The following SLCO1A2 variants were observed in gnomAD, a reference collection of about 807,000 sequenced individuals.
SLCO1A2 encodes the protein OATP-1.
SLCO1A2 carries 67 observed loss-of-function variants against 69.0 expected under a neutral mutation model. The observed-to-expected ratio is 0.97, with a 90% confidence interval of 0.80 to 1.19. The LOEUF is 1.19. SLCO1A2 is among the 50% of genes most tolerant of loss of function. SLCO1A2 has a pLI of 0.00. For missense variants in SLCO1A2, 787 were observed against 793.7 expected, an observed-to-expected ratio of 0.99 and a Z score of 0.10; for synonymous variants, 260 against 265.9, an observed-to-expected ratio of 0.98 and a Z score of 0.22.
At chr12:21,273,471 T>C (rs1285054041) in intron 14 of SLCO1A2, among the ~76,000 whole-genome samples, 1 of 152,220 alleles carries the variant, frequency 6.6e-6, no homozygotes, top group East Asian at 1.9e-4. Flanking sequence ...TCTTGGCTTC[T>C]GGTAGATTTT....
chr12:21,278,592 G>T (rs191026518), intron 12 of SLCO1A2, among the ~76,000 whole-genome samples: 7 of 152,248 alleles, frequency 4.6e-5, no homozygotes, highest in African/African-American at 1.7e-4. Context: ...ATCTCTGCCT[G>T]GTAATCCAGA....
chr12:21,268,107 A>G lies in SLCO1A2; in HGVS notation c.*1441T>C, dbSNP rs1942264559. The G allele has an allele frequency of 6.6e-6, 1 of 151,932 alleles. No individual in the cohort carries two copies. Among genetic ancestry groups the G allele is most frequent in the East Asian group, 1.9e-4 (1 of 5,186 alleles). The allele number at this position is 151,932 out of a possible 1,614,324, so 9.4% of individuals were successfully genotyped here. A position where few individuals can be genotyped will look rare whatever the true frequency, so the allele number is the denominator to read the frequency against. On this transcript the variant is annotated 3_prime_UTR_variant, in exon 15 of 15. Coordinates refer to ENST00000683939, the MANE Select transcript of SLCO1A2 (RefSeq NM_001386879.1). ...TTTGCTTTCTTTTTTCATATGATGC[A>G]TCTGATCATTTAGGAAATCATATTA...
At chr12:21,394,455 C>T (rs1237032266) in intron 1 of SLCO1A2, among the ~76,000 whole-genome samples, 1 of 150,290 alleles carries the variant, frequency 6.7e-6, no homozygotes, top group African/African-American at 2.5e-5. Context: ...ATGGGAGGAT[C>T]TCTTTAGCTC....
At chr12:21,314,771 C>A in intron 3 of SLCO1A2, 90 bp from the exon 4 acceptor site, 2 of 935,426 alleles carry the variant, frequency 2.1e-6, no homozygotes, top group Non-Finnish European at 3.3e-6. Context: ...CTAGCATTTA[C>A]TGCATAACAA....
At chr12:21,346,352 C>G (rs1405643003) in intron 2 of SLCO1A2, among the ~76,000 whole-genome samples, 1 of 152,014 alleles carries the variant, frequency 6.6e-6, no homozygotes, top group Non-Finnish European at 1.5e-5. Flanking sequence ...GCAGAACTGT[C>G]GGTGAGAGAG....
intron 12 of SLCO1A2, among the ~76,000 whole-genome samples, chr12:21,281,042 C>G (rs1341405927): frequency 6.6e-6 from 1 of 151,982 alleles, no homozygotes; most frequent in Non-Finnish European, 1.5e-5. Context: ...TTTCTTAAAA[C>G]AAATAATAAC....
At chr12:21,378,156 T>C in intron 1 of SLCO1A2, 1 of 1,271,372 alleles carries the variant, frequency 7.9e-7, no homozygotes, top group South Asian at 1.2e-5. Context: ...TTTTCATCAA[T>C]ACAAGATATT....
chr12:21,343,434 G>C (rs974510853), intron 2 of SLCO1A2, among the ~76,000 whole-genome samples: 1 of 151,970 alleles, frequency 6.6e-6, no homozygotes, highest in Non-Finnish European at 1.5e-5. Context: ...GTACAAAATT[G>C]GCCCCTTTTT....
chr12:21,378,068 T>C (rs1027579943), intron 1 of SLCO1A2, among the ~76,000 whole-genome samples: 1 of 152,142 alleles, frequency 6.6e-6, no homozygotes, highest in Non-Finnish European at 1.5e-5. Flanking sequence ...TATTTCAAGG[T>C]GTCAAAAAAA....
intron 1 of SLCO1A2, among the ~76,000 whole-genome samples, chr12:21,385,874 T>C (rs1183440789): frequency 6.6e-6 from 1 of 152,168 alleles, no homozygotes; most frequent in East Asian, 1.9e-4. Flanking sequence ...TACGAGGTGC[T>C]TAGAAACCAT....
At chr12:21,394,881 T>A (rs1181998265) in intron 1 of SLCO1A2, 1 of 152,236 alleles carries the variant, frequency 6.6e-6, no homozygotes, top group Non-Finnish European at 1.5e-5. Flanking sequence ...ATCCTTCCAC[T>A]ACTATTTCAC....
intron 2 of SLCO1A2, among the ~76,000 whole-genome samples, chr12:21,365,178 G>C (rs983239293): frequency 2.6e-5 from 4 of 152,128 alleles, no homozygotes; most frequent in Non-Finnish European, 4.4e-5. Context: ...AAAACAGCAT[G>C]GTACTGGTAC....
chr12:21,414,941 T>G lies in SLCO1A2; in HGVS notation c.-312+2941A>C, dbSNP rs11046025. 1.4e-3 allele frequency among the ~76,000 whole-genome samples: 211 copies of G among 152,244 alleles called. 3 individuals are homozygous for G. In the East Asian group the frequency reaches 0.037, roughly 27 times the overall value. ...CATTATTTTGTACCTTAAAGTCTAT[T>G]TTATTGGATATGAATAACTACACTA... On this transcript the variant is annotated intron_variant, in intron 1 of 4. Transcript: ENST00000413682.
intron 2 of SLCO1A2, among the ~76,000 whole-genome samples, chr12:21,345,414 A>T (rs370256280): frequency 6.6e-6 from 1 of 152,022 alleles, no homozygotes; most frequent in Non-Finnish European, 1.5e-5. Flanking sequence ...AGAAAGAGTG[A>T]TGGGTTCGTT....
In SLCO1A2 at chr12:21,362,819, A is replaced by G. The variant is rs566437151; in HGVS notation, c.-63+11580T>C. On this transcript the variant is annotated intron_variant, in intron 2 of 15. Coordinates refer to the SLCO1A2 transcript ENST00000307378. ...GACAAGGCCATTACATAATGGTAAC[A>G]GGATCAATTCAACAAGAAGAGCTAA... Among the ~76,000 whole-genome samples the G allele has an allele frequency of 4.6e-5, 7 of 152,304 alleles. No homozygotes were observed. In the South Asian group the frequency reaches 1.0e-3, roughly 23 times the overall value.
At chr12:21,397,483 G>A (rs576907686), upstream of SLCO1A2, among the ~76,000 whole-genome samples, 285 of 151,858 alleles carry the variant, frequency 1.9e-3, 1 homozygote, top group African/African-American at 6.6e-3. Context: ...AAGTCAACAA[G>A]GATACCCAGG....
chr12:21,419,457 CG>C (rs1458611571), upstream of SLCO1A2: 1 of 153,126 alleles, frequency 6.5e-6, no homozygotes, highest in East Asian at 1.9e-4. Flanking sequence ...AAAGGGGTGA[CG>C]GACGGCACCT....
chr12:21,331,102 C>T (rs2136941114), intron 2 of SLCO1A2, among the ~76,000 whole-genome samples: 1 of 151,986 alleles, frequency 6.6e-6, no homozygotes, highest in African/African-American at 2.4e-5. Flanking sequence ...CTTAAATAAC[C>T]TCTGAATTAG....
At chr12:21,274,394 A>T (rs1943417285) in intron 14 of SLCO1A2, 75 bp downstream of exon 14, 1 of 905,718 alleles carries the variant, frequency 1.1e-6, no homozygotes, top group Admixed American at 2.0e-5. Flanking sequence ...ACAAAGAAAA[A>T]GTTACGTGTG....
Sources: gnomAD v4.1 joint callset for allele counts (sites outside exome capture counted in the v4.1 genomes callset) on GRCh38, gnomAD v4.1.1 for gene constraint, MANE v1.5 for transcripts, NCBI Gene and HGNC (gene_info 2026-07-23, HGNC 2026-07-21) for gene names.